The following GSAP variants were observed in gnomAD, a reference collection of about 807,000 sequenced individuals.
GSAP encodes the protein gamma-secretase-activating protein.
In GSAP, 118 loss-of-function variants were observed where a neutral mutation model predicts 131.7. The observed-to-expected ratio is 0.90, with a 90% confidence interval of 0.77 to 1.04. GSAP has a LOEUF of 1.04. Ranked by LOEUF, GSAP falls within the 50% of genes least tolerant of loss-of-function variation. The probability of loss-of-function intolerance (pLI) is 0.00; values close to 1 mark genes in which losing one functional copy is unlikely to be tolerated. For synonymous variants in GSAP, 381 were observed against 363.4 expected (o/e 1.05, Z -0.55); for missense variants, 1,019 against 1,013.2 (o/e 1.01, Z -0.08).
intron 19 of GSAP, among the ~76,000 whole-genome samples, chr7:77,344,061 G>A (rs566150490): frequency 2.0e-5 from 3 of 152,260 alleles, no homozygotes; most frequent in Admixed American, 2.0e-4. Flanking sequence ...CTCTTGGTCT[G>A]GGTAGACACT....
intron 1 of GSAP, among the ~76,000 whole-genome samples, chr7:77,409,841 C>A (rs1305864453): frequency 1.3e-5 from 2 of 152,182 alleles, no homozygotes; most frequent in Non-Finnish European, 2.9e-5. Context: ...AGAAAAAATT[C>A]TCCAACAAAC....
At chr7:77,327,497 G>A (rs1449558613) in intron 22 of GSAP, 2 of 152,300 alleles carry the variant, frequency 1.3e-5, no homozygotes, top group Non-Finnish European at 1.5e-5. Context: ...GCCTAAGCTG[G>A]ATGACAAGTG....
At chr7:77,334,369 A>G (rs1177281162) in intron 19 of GSAP, among the ~76,000 whole-genome samples, 1 of 152,052 alleles carries the variant, frequency 6.6e-6, no homozygotes, top group African/African-American at 2.4e-5. Flanking sequence ...TAGGAGCTGA[A>G]CAATGAGAAT....
intron 19 of GSAP, among the ~76,000 whole-genome samples, chr7:77,334,803 G>A (rs1031789456): frequency 6.6e-6 from 1 of 152,062 alleles, no homozygotes; most frequent in African/African-American, 2.4e-5. Flanking sequence ...AAACATACCC[G>A]GCCAGGCATG....
At chr7:77,353,124 T>G in intron 17 of GSAP, 98 bp from the exon 18 acceptor site, 1 of 701,664 alleles carries the variant, frequency 1.4e-6, no homozygotes, top group East Asian at 2.5e-5. Flanking sequence ...CCAACAAAGT[T>G]TTCATTGTCT....
At chr7:77,398,826 T>C (rs923760328) in intron 3 of GSAP, among the ~76,000 whole-genome samples, 7 of 152,178 alleles carry the variant, frequency 4.6e-5, no homozygotes, top group African/African-American at 1.7e-4. Flanking sequence ...ATCCCAACTC[T>C]CTTCCAAAAG....
At chr7:77,407,258 A>G (rs7793977) in intron 1 of GSAP, among the ~76,000 whole-genome samples, 15,401 of 152,214 alleles carry the variant, frequency 0.1, 900 homozygotes, top group South Asian at 0.23. Flanking sequence ...TTTTACTTTA[A>G]GGTCTACTTT....
chr7:77,314,171 T>TCAG (rs1286649722), intron 27 of GSAP, among the ~76,000 whole-genome samples, 199 bp downstream of exon 27: 1 of 152,196 alleles, frequency 6.6e-6, no homozygotes, highest in Non-Finnish European at 1.5e-5. Context: ...TTTGTGGGGC[T>TCAG]CAGCACAAAA....
chr7:77,387,924 C>A (rs1289185055), intron 5 of GSAP, among the ~76,000 whole-genome samples: 3 of 152,232 alleles, frequency 2.0e-5, no homozygotes, highest in Admixed American at 1.3e-4. Context: ...ACTTTGCACT[C>A]TCACCAGCAA....
intron 5 of GSAP, among the ~76,000 whole-genome samples, chr7:77,392,463 G>A (rs114151483): frequency 0.012 from 1,864 of 150,162 alleles, 32 homozygotes; most frequent in African/African-American, 0.038. Context: ...CAGGAGTATC[G>A]CTTGAACCCG....
chr7:77,366,551 C>T (rs1795348031), intron 12 of GSAP, among the ~76,000 whole-genome samples: 1 of 152,104 alleles, frequency 6.6e-6, no homozygotes, highest in South Asian at 2.1e-4. Flanking sequence ...AGGTGTGCAG[C>T]CTTATTTCTG....
chr7:77,355,292 G>T lies in GSAP; in HGVS notation c.1259C>A (p.Thr420Asn). 2 of 1,614,024 alleles carry T rather than the reference G, an allele frequency of 1.2e-6. No individual in the cohort carries two copies. Among genetic ancestry groups the T allele is most frequent in the Non-Finnish European group, 1.7e-6 (2 of 1,179,930 alleles). Reference protein sequence around the residue: ...QSSLLQLLQNTCLDCEKMAAL... With the variant: ...QSSLLQLLQNNCLDCEKMAAL... ...AGCCATCTTCTCACAGTCTAAGCAAGTGTTCTGCAGAAGCTGTAATAAAGA... is the reference window on the plus strand; with the variant it reads ...AGCCATCTTCTCACAGTCTAAGCAATTGTTCTGCAGAAGCTGTAATAAAGA... Residue 420 changes from threonine (T) to asparagine (N), a missense_variant, in exon 16 of 31, where the codon ACT becomes AAT. Physicochemically the swap from Thr to Asn is moderately conservative, Grantham distance 65 (BLOSUM62 0). Transcript: ENST00000257626.
At chr7:77,385,760 C>T (rs1055224623) in intron 6 of GSAP, among the ~76,000 whole-genome samples, 1 of 152,040 alleles carries the variant, frequency 6.6e-6, no homozygotes. Flanking sequence ...AGGGGAGGAC[C>T]CTGGGAAGAG....
chr7:77,335,289 T>G (rs1031233564), intron 19 of GSAP, among the ~76,000 whole-genome samples: 4 of 152,004 alleles, frequency 2.6e-5, no homozygotes, highest in African/African-American at 9.7e-5. Flanking sequence ...TAGGCCCAGC[T>G]ACTTGGAAGG....
chr7:77,383,113 G>C (rs1456215252), intron 6 of GSAP, among the ~76,000 whole-genome samples: 1 of 152,154 alleles, frequency 6.6e-6, no homozygotes, highest in Non-Finnish European at 1.5e-5. Flanking sequence ...CTTGAACCCA[G>C]GAGGTTGAAG....
intron 19 of GSAP, among the ~76,000 whole-genome samples, chr7:77,337,314 A>G (rs886746807): frequency 2.7e-5 from 4 of 150,498 alleles, no homozygotes; most frequent in African/African-American, 9.9e-5. Flanking sequence ...GGGGGGGGTT[A>G]CAGGCGTGTA....
chr7:77,322,586 T>G (rs78424104), intron 24 of GSAP, among the ~76,000 whole-genome samples: 47 of 131,878 alleles, frequency 3.6e-4, no homozygotes, highest in African/African-American at 1.3e-3. Context: ...TTGTGAGTTT[T>G]TTTTTTTTTT....
At position 77,353,035 on chromosome 7, in the gene GSAP, AT is replaced by A. The variant is rs747752522; in HGVS notation, c.1409-10del. On this transcript the variant is annotated splice_polypyrimidine_tract_variant and intron_variant, in intron 17 of 30. Transcript: ENST00000257626. The stretch of plus-strand genomic sequence containing the variant: ...ACTCCAGTATGAAGAAGCTGAGTAG[AT>A]TTTTTTTGAAACAGGGGGAAAAAAG... The A allele has an allele frequency of 1.3e-4, 194 of 1,533,484 alleles. No individual in the cohort carries two copies. Among genetic ancestry groups the A allele is most frequent in the Non-Finnish European group, 1.5e-4 (162 of 1,108,440 alleles). The allele number at this position is 1,533,484 out of a possible 1,614,324, so 95.0% of individuals were successfully genotyped here. A position where few individuals can be genotyped will look rare whatever the true frequency, so the allele number is the denominator to read the frequency against.
At chr7:77,396,896 G>T in intron 5 of GSAP, 86 bp downstream of exon 5, 1 of 679,892 alleles carries the variant, frequency 1.5e-6, no homozygotes, top group Non-Finnish European at 2.5e-6. Context: ...TTCTAAAGAT[G>T]CTTGAAATTT....
Sources: allele counts gnomAD v4.1 joint callset (sites outside exome capture counted in the v4.1 genomes callset), GRCh38; gene constraint gnomAD v4.1.1; transcripts MANE v1.5; gene names NCBI Gene and HGNC (gene_info 2026-07-23, HGNC 2026-07-21).